The following TXNRD1 variants were observed in gnomAD, a reference collection of about 807,000 sequenced individuals.
The protein encoded by TXNRD1 is thioredoxin reductase 1, cytoplasmic.
TXNRD1 carries 57 observed loss-of-function variants against 80.3 expected under a neutral mutation model. The observed-to-expected ratio is 0.71, with a 90% CI of 0.57 to 0.89. The LOEUF is 0.89. Ranked by LOEUF, TXNRD1 falls within the 40% of genes least tolerant of loss-of-function variation. The pLI, the probability that TXNRD1 is intolerant of heterozygous loss-of-function variation, is 0.00. For synonymous variants in TXNRD1, 291 were observed against 285.2 expected (o/e 1.02, Z -0.20); for missense variants, 730 against 803.0 (o/e 0.91, Z 1.10).
intron 13 of TXNRD1, among the ~76,000 whole-genome samples, chr12:104,328,480 G>C (rs138053885): frequency 1.3e-5 from 2 of 152,180 alleles, no homozygotes; most frequent in Non-Finnish European, 2.9e-5. Context: ...TTAGAGGCCA[G>C]GTGCGTTGGC....
At chr12:104,288,810 G>C in intron 3 of TXNRD1, 121 bp from the exon 4 acceptor site, 4 of 1,601,572 alleles carry the variant, frequency 2.5e-6, no homozygotes, top group South Asian at 1.1e-5. Context: ...TTGCAAGGGA[G>C]TCAACAGAGG....
rs1449240815 is a variant in TXNRD1 at position 104,267,452 on chromosome 12, A to G, written c.304+9373A>G. Among the ~76,000 whole-genome samples, 8 of 150,590 alleles carry G rather than the reference A, an allele frequency of 5.3e-5. No individual in the cohort carries two copies. In the East Asian group the frequency reaches 1.4e-3, roughly 26 times the overall value. ...GCCACCATACCCAGCTAATTTTTGT[A>G]TTTTCTGTAGAGCTGGAGTCTCATG... On this transcript the variant is annotated intron_variant, in intron 3 of 16. Transcript: ENST00000525566.
At chr12:104,235,365 A>AT (rs931965955) in intron 1 of TXNRD1, among the ~76,000 whole-genome samples, 19 of 152,144 alleles carry the variant, frequency 1.2e-4, no homozygotes, top group African/African-American at 3.6e-4. Flanking sequence ...TGCGTTACAG[A>AT]TTGGGAATGG....
At chr12:104,302,228 ACTTAATACTACTAGAT>A (rs2034654828) in intron 4 of TXNRD1, among the ~76,000 whole-genome samples, 1 of 152,226 alleles carries the variant, frequency 6.6e-6, no homozygotes, top group Admixed American at 6.5e-5. Context: ...TTTTGGAGTA[ACTTAATACTACTAGAT>A]TTTGCTGTTT....
At chr12:104,253,456 T>A (rs2033174754) in intron 2 of TXNRD1, among the ~76,000 whole-genome samples, 1 of 152,102 alleles carries the variant, frequency 6.6e-6, no homozygotes. Context: ...AGAAAAATGA[T>A]CTCAGATAAC....
chr12:104,348,488 C>A lies in TXNRD1; in HGVS notation c.*67C>A. 6.5e-7 allele frequency: 1 copy of A among 1,534,530 alleles called. No individual in the cohort carries two copies. The highest frequency in any genetic ancestry group is 9.0e-7 in the Non-Finnish European group (1 of 1,109,874). On this transcript the variant is annotated 3_prime_UTR_variant, in exon 17 of 17. Coordinates refer to ENST00000525566, the MANE Select transcript of TXNRD1 (RefSeq NM_001093771.3). ...CTCGTTTCCGTGCCCAAATCCAAGGCGAAGTTTTCTAGAGGGTTCTTGGGC... is the reference window on the plus strand; with the variant it reads ...CTCGTTTCCGTGCCCAAATCCAAGGAGAAGTTTTCTAGAGGGTTCTTGGGC...
intron 4 of TXNRD1, among the ~76,000 whole-genome samples, chr12:104,294,235 C>G (rs868865406): frequency 0.48 from 56,099 of 117,330 alleles, 21,460 homozygotes; most frequent in Middle Eastern, 0.57. Context: ...GGGGAAAGGC[C>G]CCCCCCCCCG....
In TXNRD1 at chr12:104,327,579, G is replaced by A. The variant is rs751185225; in HGVS notation, c.1450G>A (p.Asp484Asn). ...TNVPYIYAIG[D>N]ILEDKVELTP... ...TGTGCCTTACATCTATGCCATTGGC[G>A]ATATATTGGAGGATAAGGTGGAGCT... Residue 484 changes from aspartate (D) to asparagine (N), a missense_variant, in exon 13 of 17, where the codon GAT becomes AAT. By Grantham distance (23) the Asp-to-Asn change is conservative. Coordinates refer to ENST00000525566, the MANE Select transcript of TXNRD1 (RefSeq NM_001093771.3). The A allele has an allele frequency of 3.1e-6, 5 of 1,613,430 alleles. No individual in the cohort carries two copies. Among genetic ancestry groups the A allele is most frequent in the South Asian group, 1.1e-5 (1 of 91,026 alleles).
chr12:104,306,023 C>T (rs1368336087), intron 4 of TXNRD1, among the ~76,000 whole-genome samples: 2 of 152,144 alleles, frequency 1.3e-5, no homozygotes. Context: ...TGTGCCTCAG[C>T]CTCCCAAGTA....
At chr12:104,266,657 C>G (rs2033495181) in intron 3 of TXNRD1, among the ~76,000 whole-genome samples, 1 of 151,628 alleles carries the variant, frequency 6.6e-6, no homozygotes, top group Non-Finnish European at 1.5e-5. Flanking sequence ...ACGGTGAAAC[C>G]CTGTCTCTAC....
At chr12:104,266,767 T>A (rs547503967) in intron 3 of TXNRD1, among the ~76,000 whole-genome samples, 47 of 151,886 alleles carry the variant, frequency 3.1e-4, no homozygotes, top group African/African-American at 1.1e-3. Flanking sequence ...ATCAAGACCA[T>A]CTGGCTAACA....
chr12:104,240,662 G>A (rs994296906), intron 1 of TXNRD1, among the ~76,000 whole-genome samples: 3 of 151,874 alleles, frequency 2.0e-5, no homozygotes, highest in African/African-American at 7.3e-5. Flanking sequence ...ATATTTTAAT[G>A]ACTGTAATTC....
At chr12:104,234,051 A>G (rs1358459627) in intron 1 of TXNRD1, among the ~76,000 whole-genome samples, 1 of 152,232 alleles carries the variant, frequency 6.6e-6, no homozygotes, top group East Asian at 1.9e-4. Context: ...CTTCAAAGCT[A>G]TTAAAAACCT....
intron 8 of TXNRD1, 64 bp downstream of exon 8, chr12:104,319,119 TAGAAAATGTTAA>T (rs2035437245): frequency 2.0e-6 from 3 of 1,528,280 alleles, no homozygotes; most frequent in Non-Finnish European, 2.6e-6. Flanking sequence ...AAGCTTTGGT[TAGAAAATGTTAA>T]AGTATTATAA....
rs183622895 is a variant in TXNRD1 at position 104,223,910 on chromosome 12, C to T, written c.91+8017C>T. Among the ~76,000 whole-genome samples the T allele has an allele frequency of 2.0e-3, 297 of 152,236 alleles. 1 individual carries two copies. Among genetic ancestry groups the T allele is most frequent in the African/African-American group, 6.6e-3 (275 of 41,522 alleles). On this transcript the variant is annotated intron_variant, in intron 1 of 16. Coordinates refer to ENST00000525566, the MANE Select transcript of TXNRD1 (RefSeq NM_001093771.3). ...CAAAAGCAATTTAGTTACTCTGGCC[C>T]TGGGTGTGGGCAGAGTAGTGTGGGA...
intron 15 of TXNRD1, among the ~76,000 whole-genome samples, chr12:104,338,589 CG>C (rs2036220873): frequency 6.8e-6 from 1 of 147,104 alleles, no homozygotes; most frequent in South Asian, 2.1e-4. Flanking sequence ...CCCAGCTACT[CG>C]GGAGGCTGAG....
At chr12:104,291,132 C>A in intron 4 of TXNRD1, 1 of 600,048 alleles carries the variant, frequency 1.7e-6, no homozygotes, top group South Asian at 1.8e-5. Context: ...AAAAGCATAC[C>A]ATCAAGAACA....
intron 3 of TXNRD1, among the ~76,000 whole-genome samples, chr12:104,270,864 A>G (rs2033636459): frequency 6.6e-6 from 1 of 152,060 alleles, no homozygotes; most frequent in African/African-American, 2.4e-5. Context: ...TGAAAGATTA[A>G]CTAGCCGGGT....
At chr12:104,288,855 C>T (rs866960973) in intron 3 of TXNRD1, 76 bp from the exon 4 acceptor site, 3 of 1,612,412 alleles carry the variant, frequency 1.9e-6, no homozygotes, top group Non-Finnish European at 2.5e-6. Context: ...ACGGAAGCCC[C>T]GCCCCCGGCG....
Sources: allele counts gnomAD v4.1 joint callset (sites outside exome capture counted in the v4.1 genomes callset), GRCh38; gene constraint gnomAD v4.1.1; transcripts MANE v1.5; gene names NCBI Gene and HGNC (gene_info 2026-07-23, HGNC 2026-07-21).